The following OR2L3 variants were observed in gnomAD, a reference collection of about 807,000 sequenced individuals.
OR2L3 encodes the protein olfactory receptor family 2 subfamily L member 3, also known as olfactory receptor 2L3.
For synonymous variants in OR2L3, 131 were observed against 139.1 expected (o/e 0.94, Z 0.41); for missense variants, 369 against 376.6 (o/e 0.98, Z 0.17).
At chr1:248,052,724 C>G (rs1663304155) in intron 1 of OR2L3, among the ~76,000 whole-genome samples, 1 of 151,762 alleles carries the variant, frequency 6.6e-6, no homozygotes, top group African/African-American at 2.4e-5. Flanking sequence ...GAGTGAGACT[C>G]CATCTCAAAA....
chr1:248,053,567 A>G (rs1044190055), intron 1 of OR2L3, among the ~76,000 whole-genome samples: 6 of 152,326 alleles, frequency 3.9e-5, no homozygotes, highest in African/African-American at 1.4e-4. Flanking sequence ...TTACATTCCC[A>G]CCAACAGTGT....
chr1:248,052,075 A>T (rs1259771848), intron 1 of OR2L3, among the ~76,000 whole-genome samples: 2 of 152,140 alleles, frequency 1.3e-5, no homozygotes, highest in Non-Finnish European at 2.9e-5. Context: ...GTGAAACTCC[A>T]CTGCAAGTTG....
intron 1 of OR2L3, among the ~76,000 whole-genome samples, chr1:248,050,379 T>C: frequency 6.6e-6 from 1 of 152,296 alleles, no homozygotes; most frequent in Middle Eastern, 3.4e-3. Flanking sequence ...TTTGGATTTA[T>C]TTTTACATAA....
rs1408822140 is a variant in OR2L3 at position 248,060,997 on chromosome 1, T to A, written c.316T>A (p.Leu106Ile). Residue 106 changes from leucine to isoleucine, a missense_variant, in exon 2 of 2, where the codon TTA (leucine) becomes ATA (isoleucine). Physicochemically the swap from Leu to Ile is conservative, Grantham distance 5. Coordinates refer to ENST00000359959, the MANE Select transcript of OR2L3 (RefSeq NM_001004687.2). Reference protein sequence around the residue: ...CGIQSFFFSALGGAEALLLAS... With the variant: ...CGIQSFFFSAIGGAEALLLAS... ...GATTCAGAGTTTCTTCTTCTCGGCA[T>A]TAGGAGGTGCAGAAGCACTACTTTT... is the stretch of plus-strand genomic sequence containing the variant. 1.2e-6 allele frequency: 2 copies of A among 1,614,100 alleles called. No individual in the cohort carries two copies. The highest frequency in any genetic ancestry group is 3.3e-5 in the Admixed American group (2 of 60,022).
Position 248,063,363 on chromosome 1 carries a change from C to G in OR2L3, c.*1743C>G, listed in dbSNP as rs909459299. 1.3e-5 allele frequency: 2 copies of G among 152,206 alleles called. No homozygotes were observed. Among genetic ancestry groups the G allele is most frequent in the Non-Finnish European group, 2.9e-5 (2 of 68,022 alleles). The allele number at this position is 152,206 out of a possible 1,614,324, so 9.4% of individuals were successfully genotyped here. On this transcript the variant is annotated 3_prime_UTR_variant, in exon 2 of 2. Coordinates refer to ENST00000359959, the MANE Select transcript of OR2L3 (RefSeq NM_001004687.2). ...TGCTCTTTAAATGTCATTTCTATTT[C>G]TAAGCCTGTGGATATTTGTTTTACC...
chr1:248,056,513 C>T (rs1663437632), intron 1 of OR2L3, among the ~76,000 whole-genome samples: 1 of 152,106 alleles, frequency 6.6e-6, no homozygotes, highest in Non-Finnish European at 1.5e-5. Flanking sequence ...TCCCTCTTAA[C>T]ACTGATTTCT....
At position 248,062,314 on chromosome 1, in the gene OR2L3, A is replaced by T. The variant is rs1044201800; in HGVS notation, c.*694A>T. On this transcript the variant is annotated 3_prime_UTR_variant, in exon 2 of 2. Transcript: ENST00000359959. Reference sequence around the variant, plus strand: ...TAAAAATGATTACATTTAGGTCTTTAACCTGTTTTGAGTTGATTTGGATAT... The same window carrying T: ...TAAAAATGATTACATTTAGGTCTTTTACCTGTTTTGAGTTGATTTGGATAT... 1.3e-5 allele frequency: 2 copies of T among 152,242 alleles called. No homozygotes were observed. Among genetic ancestry groups the T allele is most frequent in the East Asian group, 3.8e-4 (2 of 5,202 alleles). 9.4% of individuals were successfully genotyped at this position (152,242 alleles called of 1,614,324 possible).
chr1:248,061,568 T>A lies in OR2L3; in HGVS notation c.887T>A (p.Val296Glu), dbSNP rs773053358. 4 of 1,613,296 alleles carry A rather than the reference T, an allele frequency of 2.5e-6. No individual in the cohort carries two copies. The highest frequency in any genetic ancestry group is 1.1e-5 in the South Asian group (1 of 91,024). ...PIIYSLRNKE[V>E]MGALTRVSQR... is the part of the protein sequence containing the mutation. ...ATCTATAGCCTGAGGAACAAGGAGG[T>A]GATGGGGGCCCTGACACGAGTGAGT... Residue 296 changes from valine to glutamate, a missense_variant, in exon 2 of 2, where the codon GTG becomes GAG. Val to Glu is a moderately radical substitution (Grantham distance 121). Coordinates refer to ENST00000359959, the MANE Select transcript of OR2L3 (RefSeq NM_001004687.2).
At chr1:248,058,175 A>G (rs887596593) in intron 1 of OR2L3, among the ~76,000 whole-genome samples, 1 of 152,222 alleles carries the variant, frequency 6.6e-6, no homozygotes, top group African/African-American at 2.4e-5. Flanking sequence ...GTCTCAGCAG[A>G]CCACAGGGTA....
chr1:248,060,482 TCTTA>T (rs1663587052), intron 1 of OR2L3, among the ~76,000 whole-genome samples, 175 bp from the exon 2 acceptor site: 1 of 152,196 alleles, frequency 6.6e-6, no homozygotes, highest in Middle Eastern at 3.2e-3. Flanking sequence ...CTTGTTTATC[TCTTA>T]CTTGTCTTAT....
intron 1 of OR2L3, among the ~76,000 whole-genome samples, chr1:248,047,953 T>C (rs1663133129): frequency 6.6e-6 from 1 of 152,190 alleles, no homozygotes; most frequent in Non-Finnish European, 1.5e-5. Context: ...AGATACAGGG[T>C]CAGACATTCA....
At chr1:248,056,173 T>C (rs1414878933) in intron 1 of OR2L3, among the ~76,000 whole-genome samples, 1 of 152,176 alleles carries the variant, frequency 6.6e-6, no homozygotes, top group Non-Finnish European at 1.5e-5. Context: ...ACATCTTTAT[T>C]ATTCTTTTTT....
At chr1:248,051,763 CTTTTA>C (rs561209781) in intron 1 of OR2L3, among the ~76,000 whole-genome samples, 5 of 140,816 alleles carry the variant, frequency 3.6e-5, no homozygotes, top group South Asian at 2.1e-4. Context: ...CAAGTGTCTG[CTTTTA>C]TTTTATTTAT....
At chr1:248,050,482 T>C (rs1304677685) in intron 1 of OR2L3, among the ~76,000 whole-genome samples, 1 of 151,998 alleles carries the variant, frequency 6.6e-6, no homozygotes, top group African/African-American at 2.4e-5. Context: ...ATTTAAATAA[T>C]ATTATATAAT....
chr1:248,058,028 C>T (rs1663496262), intron 1 of OR2L3, among the ~76,000 whole-genome samples: 1 of 152,166 alleles, frequency 6.6e-6, no homozygotes. Flanking sequence ...AGAAAGTGGA[C>T]TTCCGTGTCT....
chr1:248,055,857 C>CT (rs1663417152), intron 1 of OR2L3: 3 of 152,190 alleles, frequency 2.0e-5, no homozygotes, highest in African/African-American at 7.2e-5. Context: ...AACAGCTCCT[C>CT]TTTTTACCTC....
Position 248,060,944 on chromosome 1 carries a change from A to C in OR2L3, c.263A>C (p.Asn88Thr), listed in dbSNP as rs1479471866. Residue 88 changes from asparagine to threonine, a missense_variant, in exon 2 of 2, where the codon AAC becomes ACC. Transcript: ENST00000359959. The part of the protein sequence containing the change: ...PKMASDFLSG[N>T]KSISFTGCGI... ...ATGGCATCTGATTTTCTGTCTGGTA[A>C]CAAGTCTATCTCCTTCACTGGGTGT... 1.2e-6 allele frequency: 2 copies of C among 1,613,846 alleles called. No individual in the cohort carries two copies. Among genetic ancestry groups the C allele is most frequent in the Non-Finnish European group, 1.7e-6 (2 of 1,179,902 alleles).
At chr1:248,048,312 A>C (rs962717200) in intron 1 of OR2L3, among the ~76,000 whole-genome samples, 1 of 152,200 alleles carries the variant, frequency 6.6e-6, no homozygotes, top group Non-Finnish European at 1.5e-5. Context: ...TACCCTTCTC[A>C]ACAATTACAA....
chr1:248,051,640 A>G (rs1663266704), intron 1 of OR2L3, among the ~76,000 whole-genome samples: 1 of 152,146 alleles, frequency 6.6e-6, no homozygotes, highest in African/African-American at 2.4e-5. Context: ...TGCTATGTTC[A>G]TTATTTTAGT....
Sources: allele counts gnomAD v4.1 joint callset (sites outside exome capture counted in the v4.1 genomes callset), GRCh38; gene constraint gnomAD v4.1.1; transcripts MANE v1.5; gene names NCBI Gene and HGNC (gene_info 2026-07-23, HGNC 2026-07-21).